Variants in CAST observed in about 807,000 individuals in gnomAD.
CAST encodes the protein MIR583 host.
CAST carries 76 observed loss-of-function variants against 119.6 expected under a neutral mutation model. The ratio of observed to expected loss-of-function variants is 0.64; its 90% CI spans 0.53 to 0.77. The LOEUF (loss-of-function observed/expected upper bound fraction) is 0.77, where lower values mean the gene tolerates loss of function less well. Among genes scored for constraint, CAST ranks in the 30% least tolerant of loss-of-function variants. CAST has a pLI of 0.00. For synonymous variants in CAST, 319 were observed against 331.6 expected, an observed-to-expected ratio of 0.96 and a Z score of 0.41; for missense variants, 953 against 946.5, an observed-to-expected ratio of 1.01 and a Z score of -0.09.
the CAST span, among the ~76,000 whole-genome samples, chr5:96,079,440 T>G: frequency 2.4e-4 from 36 of 152,314 alleles, no homozygotes; most frequent in Non-Finnish European, 2.9e-5. Flanking sequence ...TTTAAGTATG[T>G]TTTTTACTAA....
In CAST at chr5:96,736,254, A is replaced by T. The variant is rs1035667572; in HGVS notation, c.699+14A>T. The T allele has an allele frequency of 1.3e-5, 21 of 1,559,078 alleles. No homozygotes were observed. Among genetic ancestry groups the T allele is most frequent in the Non-Finnish European group, 1.8e-5 (20 of 1,131,708 alleles). ...CCATCGGGAAAGGTATGAAGACAAC[A>T]GTGTCCTTCTACATGAGACAGTTAC... On this transcript the variant is annotated intron_variant, in intron 10 of 31. Transcript: ENST00000675179.
At chr5:96,016,286 G>A in the CAST span, among the ~76,000 whole-genome samples, 8 of 152,256 alleles carry the variant, frequency 5.3e-5, no homozygotes, top group South Asian at 6.2e-4. Flanking sequence ...TGATACATTC[G>A]TCTAAGTCCA....
chr5:96,392,655 T>C, the CAST span: 15 of 233,784 alleles, frequency 6.4e-5, no homozygotes, highest in Admixed American at 3.6e-4. Flanking sequence ...AATTAATTGA[T>C]ATCCCAGGTT....
At chr5:96,268,140 CA>C in the CAST span, among the ~76,000 whole-genome samples, 1 of 151,810 alleles carries the variant, frequency 6.6e-6, no homozygotes, top group African/African-American at 2.4e-5. Flanking sequence ...ATAACCTAGC[CA>C]CAAAGAAAGA....
chr5:96,765,354 T>C (rs1769532769), intron 26 of CAST, 29 bp downstream of exon 26: 1 of 743,298 alleles, frequency 1.3e-6, no homozygotes, highest in South Asian at 1.7e-5. Flanking sequence ...AAAAAAAAAA[T>C]TCACTAATAG....
chr5:96,337,831 G>A, the CAST span, among the ~76,000 whole-genome samples: 32 of 152,308 alleles, frequency 2.1e-4, no homozygotes, highest in Middle Eastern at 3.4e-3. Flanking sequence ...CTCTTCATTA[G>A]TTTACTGTCT....
chr5:96,486,299 C>G, the CAST span, among the ~76,000 whole-genome samples: 9 of 152,100 alleles, frequency 5.9e-5, no homozygotes, highest in Non-Finnish European at 8.8e-5. Context: ...TAATCTTTCC[C>G]AATGCAGGAG....
At chr5:96,746,860 T>C (rs1445182737) in intron 17 of CAST, among the ~76,000 whole-genome samples, 8 of 152,186 alleles carry the variant, frequency 5.3e-5, no homozygotes, top group African/African-American at 1.9e-4. Context: ...GTGAGGATGG[T>C]AGACTAACTC....
At chr5:96,382,449 G>T in the CAST span, among the ~76,000 whole-genome samples, 1 of 152,116 alleles carries the variant, frequency 6.6e-6, no homozygotes, top group East Asian at 1.9e-4. Context: ...GATCCTCCCT[G>T]GGCATCAGCT....
the CAST span, among the ~76,000 whole-genome samples, chr5:96,015,528 A>G: frequency 1.6e-3 from 241 of 152,270 alleles, 1 homozygote; most frequent in African/African-American, 5.5e-3. Flanking sequence ...ATATATATTC[A>G]TTTAATACTC....
At chr5:96,298,879 A>T in the CAST span, among the ~76,000 whole-genome samples, 28 of 149,696 alleles carry the variant, frequency 1.9e-4, no homozygotes, top group African/African-American at 2.7e-4. Flanking sequence ...AAATTAGGAG[A>T]GTGTGTGTGT....
chr5:96,062,378 G>T, the CAST span, among the ~76,000 whole-genome samples: 1 of 152,170 alleles, frequency 6.6e-6, no homozygotes, highest in Non-Finnish European at 1.5e-5. Context: ...AACCATCATT[G>T]TATAGTGCTG....
intron 20 of CAST, among the ~76,000 whole-genome samples, chr5:96,752,634 C>G (rs1355416778): frequency 8.0e-6 from 1 of 124,964 alleles, no homozygotes; most frequent in Non-Finnish European, 1.6e-5. Context: ...TATTCAGCCA[C>G]TAGGTGGTGC....
chr5:96,508,051 G>A, the CAST span, among the ~76,000 whole-genome samples: 2 of 149,854 alleles, frequency 1.3e-5, no homozygotes, highest in Non-Finnish European at 3.0e-5. Flanking sequence ...TGTAGAGACA[G>A]GGTCTTGCTA....
At chr5:96,550,124 G>A (rs7701182) in intron 1 of CAST, among the ~76,000 whole-genome samples, 2,220 of 152,306 alleles carry the variant, frequency 0.015, 78 homozygotes, top group African/African-American at 0.052. Flanking sequence ...CCTGACCCCC[G>A]TGTAGCCTGA....
chr5:96,132,270 T>A, the CAST span, among the ~76,000 whole-genome samples: 148 of 152,218 alleles, frequency 9.7e-4, no homozygotes, highest in African/African-American at 3.3e-3. Flanking sequence ...TTTTTTCTTT[T>A]AAAAAATTTT....
At chr5:96,541,591 C>T (rs1745914287) in intron 1 of CAST, among the ~76,000 whole-genome samples, 1 of 152,178 alleles carries the variant, frequency 6.6e-6, no homozygotes, top group Non-Finnish European at 1.5e-5. Flanking sequence ...AGTTTCACTG[C>T]CCCAAAAATC....
At chr5:96,494,422 A>C in the CAST span, among the ~76,000 whole-genome samples, 2 of 152,256 alleles carry the variant, frequency 1.3e-5, no homozygotes, top group Non-Finnish European at 2.9e-5. Context: ...AGCATGGAAT[A>C]GCAAGAACAG....
the CAST span, chr5:95,965,397 G>C: frequency 6.6e-6 from 1 of 152,218 alleles, no homozygotes; most frequent in South Asian, 2.1e-4. Flanking sequence ...ATCTGCTGTA[G>C]TGACTGCCAA....
Sources: gnomAD v4.1 joint callset for allele counts (sites outside exome capture counted in the v4.1 genomes callset) on GRCh38, gnomAD v4.1.1 for gene constraint, MANE v1.5 for transcripts, NCBI Gene and HGNC (gene_info 2026-07-23, HGNC 2026-07-21) for gene names.